UPF2: variants seen among roughly 807,000 people sequenced by gnomAD.
UPF2 encodes the protein UPF2 regulator of nonsense mediated mRNA decay.
A neutral mutation model predicts 141.4 loss-of-function variants in UPF2; 17 were observed. That is an observed-to-expected ratio of 0.12 (90% CI 0.08 to 0.18). The LOEUF (loss-of-function observed/expected upper bound fraction) is 0.18, where lower values mean the gene tolerates loss of function less well. Ranked by LOEUF, UPF2 falls within the 10% of genes least tolerant of loss-of-function variation. The pLI, the probability that UPF2 is intolerant of heterozygous loss-of-function variation, is 1.00. For synonymous variants in UPF2, 540 were observed against 498.0 expected (o/e 1.08, Z -1.12); for missense variants, 1,152 against 1,515.9 (o/e 0.76, Z 3.99).
rs1298615556 is a variant in UPF2, at chr10:12,035,280, C to A, written c.144G>T (p.Glu48Asp). The A allele has an allele frequency of 6.2e-7, 1 of 1,613,890 alleles. No homozygotes were observed. Among genetic ancestry groups the A allele is most frequent in the Non-Finnish European group, 8.5e-7 (1 of 1,180,016 alleles). The part of the protein sequence containing the change: ...KDDIKLTAKK[E>D]VSKAPEDKKK... ...TCTTGTCTTCAGGGGCCTTGCTGAC[C>A]TCCTTCTTGGCAGTGAGCTTGATAT... The change falls in exon 2 of 22, where the codon GAG (glutamate) becomes GAT (aspartate). Residue 48 changes from glutamate to aspartate, a missense_variant. By Grantham distance (45) the Glu-to-Asp change is conservative (BLOSUM62 2). This residue lies in a region of UPF2 where 145 missense variants were observed against 136.5 expected (regional missense o/e 1.06). Coordinates refer to ENST00000357604, the MANE Select transcript of UPF2 (RefSeq NM_015542.4).
At chr10:11,993,108 C>A (rs1371320675) in intron 8 of UPF2, among the ~76,000 whole-genome samples, 8 of 142,264 alleles carry the variant, frequency 5.6e-5, no homozygotes, top group African/African-American at 2.1e-4. Flanking sequence ...AGAGATCACA[C>A]CACTGCACTC....
At chr10:12,013,552 C>T (rs1252535701) in intron 4 of UPF2, among the ~76,000 whole-genome samples, 1 of 152,086 alleles carries the variant, frequency 6.6e-6, no homozygotes, top group Admixed American at 6.6e-5. Context: ...GGATTACAGG[C>T]ATGAGCCACT....
chr10:12,032,698 A>G (rs1193141416), intron 2 of UPF2, among the ~76,000 whole-genome samples: 1 of 151,284 alleles, frequency 6.6e-6, no homozygotes, highest in African/African-American at 2.4e-5. Flanking sequence ...AGACCAGGCC[A>G]CTGCACTCCA....
Position 11,998,611 on chromosome 10 carries a change from G to A in UPF2, c.1759-854C>T, listed in dbSNP as rs1833901999. 6.6e-6 allele frequency among the ~76,000 whole-genome samples: 1 copy of A among 152,150 alleles called. No homozygotes were observed. Among genetic ancestry groups the A allele is most frequent in the Admixed American group, 6.5e-5 (1 of 15,272 alleles). ...CTCACACCTGTAATTCTAGCACTCT[G>A]GGAGGCCGAGGTGGGTGGATCACGT... On this transcript the variant is annotated intron_variant, in intron 7 of 21. Transcript: ENST00000357604. This position sits in a 1 kb window ranked among gnomAD's most constrained non-coding sequence, Gnocchi z 4.5.
rs145580445 is a variant in UPF2 at position 12,026,828 on chromosome 10, T to C, written c.1145+1917A>G. On this transcript the variant is annotated intron_variant, in intron 3 of 21. Coordinates refer to ENST00000357604, the MANE Select transcript of UPF2 (RefSeq NM_015542.4). Reference sequence around the variant, plus strand: ...CCACCATGCCCGGCTAATTTTTGCATTTTTAGTAGAGACGGGGTTTCACCA... The same window carrying C: ...CCACCATGCCCGGCTAATTTTTGCACTTTTAGTAGAGACGGGGTTTCACCA... Among the ~76,000 whole-genome samples, 184 of 152,146 alleles carry C rather than the reference T, an allele frequency of 1.2e-3. 5 individuals carry two copies. In the East Asian group the frequency reaches 0.034, roughly 28 times the overall value.
At chr10:12,005,869 C>T (rs117999776) in intron 4 of UPF2, among the ~76,000 whole-genome samples, 13,410 of 151,276 alleles carry the variant, frequency 0.089, 770 homozygotes, top group South Asian at 0.13. Context: ...CCACGCCCAG[C>T]GTTTATTTAT....
At chr10:11,951,939 A>G in intron 15 of UPF2, 127 bp downstream of exon 15, 7 of 952,260 alleles carry the variant, frequency 7.4e-6, no homozygotes, top group Middle Eastern at 3.4e-4. Flanking sequence ...TAACACTACT[A>G]CGTAACACTC....
chr10:11,966,785 C>A (rs777620882), intron 10 of UPF2, among the ~76,000 whole-genome samples: 24 of 152,300 alleles, frequency 1.6e-4, no homozygotes, highest in Middle Eastern at 3.4e-3. Flanking sequence ...CTTAATTACC[C>A]CTTGGAAGAC....
intron 3 of UPF2, among the ~76,000 whole-genome samples, chr10:12,017,810 G>T (rs1834249313): frequency 6.6e-6 from 1 of 152,018 alleles, no homozygotes; most frequent in South Asian, 2.1e-4. Context: ...TGTTACATAG[G>T]TATACACGTG....
At chr10:12,038,545 A>G (rs1014148010) in intron 1 of UPF2, among the ~76,000 whole-genome samples, 9 of 152,044 alleles carry the variant, frequency 5.9e-5, no homozygotes, top group Admixed American at 6.6e-5. Flanking sequence ...CCTGGCCAAC[A>G]TGTGGAAGCC....
rs1230447579 is a variant in UPF2, at chr10:12,016,552, G to A, written c.1146-2368C>T. Among the ~76,000 whole-genome samples, 1 of 151,896 alleles carries A rather than the reference G, an allele frequency of 6.6e-6. No individual in the cohort carries two copies. Among genetic ancestry groups the A allele is most frequent in the African/African-American group, 2.4e-5 (1 of 41,358 alleles). On this transcript the variant is annotated intron_variant, in intron 3 of 21. Coordinates refer to ENST00000357604, the MANE Select transcript of UPF2 (RefSeq NM_015542.4). The surrounding 1 kb of genome is among the most constrained non-coding windows in gnomAD (Gnocchi z 4.1). ...CTACTAAAAATACAAAAATTAGCCG[G>A]GTGTGGTGGTAGGTGCCTGTAATCC...
intron 8 of UPF2, among the ~76,000 whole-genome samples, chr10:11,982,556 T>G (rs1390799288): frequency 8.5e-5 from 13 of 152,188 alleles, no homozygotes; most frequent in Admixed American, 8.5e-4. Context: ...AGTCTCCCTG[T>G]TTTGACCCGT....
At chr10:11,961,360 A>T (rs1400551988) in intron 11 of UPF2, among the ~76,000 whole-genome samples, 1 of 152,006 alleles carries the variant, frequency 6.6e-6, no homozygotes, top group Non-Finnish European at 1.5e-5. Context: ...TTTTTCTGAG[A>T]AAGTGACATT....
Position 11,953,281 on chromosome 10 carries a change from T to C in UPF2, c.2851-1032A>G, listed in dbSNP as rs1833100956. 6.6e-6 allele frequency among the ~76,000 whole-genome samples: 1 copy of C among 152,200 alleles called. No individual in the cohort carries two copies. Among genetic ancestry groups the C allele is most frequent in the Non-Finnish European group, 1.5e-5 (1 of 68,036 alleles). On this transcript the variant is annotated intron_variant, in intron 14 of 21. Transcript: ENST00000357604. This position sits in a 1 kb window ranked among gnomAD's most constrained non-coding sequence, Gnocchi z 5.0. ...CTCATCTGGGAGCTTCTTAGAAATG[T>C]AGAATCTCAGGCCTCCCCCTAGGTC... is the stretch of plus-strand genomic sequence containing the variant.
At chr10:11,981,931 G>C (rs551255472) in intron 8 of UPF2, among the ~76,000 whole-genome samples, 1 of 151,860 alleles carries the variant, frequency 6.6e-6, no homozygotes, top group Non-Finnish European at 1.5e-5. Context: ...TGATCCATCC[G>C]CCTTGACCTC....
chr10:11,985,624 A>C (rs1833676748), intron 8 of UPF2, among the ~76,000 whole-genome samples: 1 of 149,648 alleles, frequency 6.7e-6, no homozygotes, highest in African/African-American at 2.4e-5. Context: ...CCGTCTCCAA[A>C]AAAAAAAAAA....
At chr10:12,018,669 C>A (rs371770742) in intron 3 of UPF2, among the ~76,000 whole-genome samples, 2 of 152,006 alleles carry the variant, frequency 1.3e-5, no homozygotes, top group Non-Finnish European at 2.9e-5. Context: ...GGAGGATCAC[C>A]TGAACCCAGG....
intron 19 of UPF2, among the ~76,000 whole-genome samples, chr10:11,932,282 T>C (rs1371798001): frequency 6.6e-6 from 1 of 152,148 alleles, no homozygotes; most frequent in Non-Finnish European, 1.5e-5. Flanking sequence ...AGGTTCCTGA[T>C]GATAAAATTT....
Position 11,936,806 on chromosome 10 carries a change from TAAAACAC to T in UPF2, c.3379-101_3379-95del. 8.3e-7 allele frequency: 1 copy of T among 1,202,100 alleles called. No homozygotes were observed. The highest frequency in any genetic ancestry group is 1.1e-6 in the Non-Finnish European group (1 of 893,150). The allele number at this position is 1,202,100 out of a possible 1,614,324, so 74.5% of individuals were successfully genotyped here. ...CAAACTCATTCAATGCTGTATTTCT[TAAAACAC>T]AACAATCATAAGAGCCATAACAGTC... On this transcript the variant is annotated intron_variant, in intron 18 of 21. Coordinates refer to ENST00000357604, the MANE Select transcript of UPF2 (RefSeq NM_015542.4). This position sits in a 1 kb window ranked among gnomAD's most constrained non-coding sequence, Gnocchi z 6.6.
Sources: allele counts gnomAD v4.1 joint callset (sites outside exome capture counted in the v4.1 genomes callset), GRCh38; gene constraint gnomAD v4.1.1; regional missense constraint gnomAD v4.1.1; non-coding constraint Gnocchi (gnomAD v3.1); transcripts MANE v1.5; gene names NCBI Gene and HGNC (gene_info 2026-07-23, HGNC 2026-07-21).